The following RAD51B variants were observed in gnomAD, a reference collection of about 807,000 sequenced individuals.
RAD51B encodes DNA repair protein RAD51 homolog 2.
RAD51B carries 38 observed loss-of-function variants against 42.2 expected under a neutral mutation model. The ratio of observed to expected loss-of-function variants is 0.90; its 90% CI spans 0.70 to 1.18. The LOEUF (loss-of-function observed/expected upper bound fraction) is 1.18, where lower values mean the gene tolerates loss of function less well. Among genes scored for constraint, RAD51B ranks in the 50% most tolerant of loss-of-function variants. The pLI is 0.00. For missense variants in RAD51B, 373 were observed against 400.7 expected (o/e 0.93, Z 0.59); for synonymous variants, 154 against 145.2 (o/e 1.06, Z -0.43).
At chr14:68,594,720 C>T in exon 11 of RAD51B, 1 of 1,261,628 alleles carries the variant, frequency 7.9e-7, no homozygotes, top group Non-Finnish European at 1.0e-6. Context: ...TGAGACTTTG[C>T]CATTCCAATG....
At chr14:68,156,352 C>A (rs1199010129) in intron 7 of RAD51B, among the ~76,000 whole-genome samples, 1 of 151,938 alleles carries the variant, frequency 6.6e-6, no homozygotes, top group Non-Finnish European at 1.5e-5. Context: ...ATTGTTATTC[C>A]TAGTTTTTTA....
chr14:67,978,410 C>A (rs946080689), intron 7 of RAD51B, among the ~76,000 whole-genome samples: 1 of 146,094 alleles, frequency 6.8e-6, no homozygotes, highest in Non-Finnish European at 1.6e-5. Context: ...CCAGCCTCTG[C>A]GTTTTTTCCT....
intron 7 of RAD51B, among the ~76,000 whole-genome samples, chr14:68,152,894 C>T (rs2078420290): frequency 6.6e-6 from 1 of 152,118 alleles, no homozygotes; most frequent in Non-Finnish European, 1.5e-5. Flanking sequence ...AGGATAATGG[C>T]CTCCAGCTCC....
intron 7 of RAD51B, among the ~76,000 whole-genome samples, chr14:67,906,342 G>A (rs1421212929): frequency 2.0e-5 from 3 of 152,142 alleles, no homozygotes; most frequent in East Asian, 3.9e-4. Context: ...AGGGATATTG[G>A]CCTGAAGCTT....
chr14:68,282,277 C>T (rs2081334253), intron 7 of RAD51B, among the ~76,000 whole-genome samples: 1 of 152,158 alleles, frequency 6.6e-6, no homozygotes, highest in South Asian at 2.1e-4. Context: ...GCCACCATGC[C>T]CAGCCTCAGG....
chr14:68,340,243 C>T (rs1160425402), intron 8 of RAD51B, among the ~76,000 whole-genome samples: 4 of 152,208 alleles, frequency 2.6e-5, no homozygotes, highest in Non-Finnish European at 5.9e-5. Context: ...ACTTCTTTGA[C>T]ATATTTGAGA....
downstream of RAD51B, among the ~76,000 whole-genome samples, chr14:68,597,097 C>G (rs1891026925): frequency 6.6e-6 from 1 of 152,214 alleles, no homozygotes; most frequent in Non-Finnish European, 1.5e-5. Context: ...AGAAATTAGC[C>G]AGCTACTGTC....
chr14:68,061,123 C>A (rs900799304), intron 7 of RAD51B, among the ~76,000 whole-genome samples: 4 of 139,484 alleles, frequency 2.9e-5, no homozygotes, highest in Non-Finnish European at 4.5e-5. Context: ...GGCTGGAGTG[C>A]AGTCTCTCAA....
chr14:68,318,422 G>A lies in RAD51B; in HGVS notation c.853+26442G>A, dbSNP rs34018188. On this transcript the variant is annotated intron_variant, in intron 8 of 10. Transcript: ENST00000471583. ...AAAAAAAAGAAGAGTGGTACCATTT[G>A]CTTAAAATCCCTAGGGCCTTATAGG... Among the ~76,000 whole-genome samples, 412 of 152,168 alleles carry A rather than the reference G, an allele frequency of 2.7e-3. 10 individuals are homozygous for A. In the East Asian group the frequency reaches 0.045, roughly 17 times the overall value.
In RAD51B at chr14:68,148,720, G is replaced by A. The variant is rs984634108; in HGVS notation, c.757-143164G>A. ...GTCCCAGTCAGCCATGTGGTCAAAG[G>A]GTAAACAATCAGTACTGTGCAGTGT... is the stretch of plus-strand genomic sequence containing the variant. On this transcript the variant is annotated intron_variant, in intron 7 of 10. Coordinates refer to ENST00000471583, the MANE Select transcript of RAD51B (RefSeq NM_133510.4). 7.2e-5 allele frequency among the ~76,000 whole-genome samples: 11 copies of A among 152,180 alleles called. No individual in the cohort carries two copies. In the South Asian group the frequency reaches 8.3e-4, roughly 11 times the overall value.
At chr14:68,616,170 T>C (rs997064083), downstream of RAD51B, among the ~76,000 whole-genome samples, 4 of 152,340 alleles carry the variant, frequency 2.6e-5, no homozygotes, top group South Asian at 8.3e-4. Flanking sequence ...TTTAAAGAAA[T>C]TTTTAATGAA....
At chr14:68,078,953 G>A (rs2076875015) in intron 7 of RAD51B, among the ~76,000 whole-genome samples, 2 of 152,134 alleles carry the variant, frequency 1.3e-5, no homozygotes, top group South Asian at 4.1e-4. Flanking sequence ...TGGCACCACT[G>A]CACTCCCGCC....
chr14:68,050,456 G>A (rs762252133), intron 7 of RAD51B, among the ~76,000 whole-genome samples: 8 of 151,766 alleles, frequency 5.3e-5, no homozygotes, highest in Non-Finnish European at 8.8e-5. Flanking sequence ...TTTCTTCATA[G>A]CATTGCATAA....
chr14:68,638,051 G>T (rs1157997064), intron 10 of RAD51B, among the ~76,000 whole-genome samples: 1 of 152,254 alleles, frequency 6.6e-6, no homozygotes, highest in African/African-American at 2.4e-5. Flanking sequence ...GTTTGCAGAG[G>T]TAAGAGGCCT....
chr14:67,986,402 G>GAT (rs1397509756), intron 7 of RAD51B, among the ~76,000 whole-genome samples: 1 of 152,124 alleles, frequency 6.6e-6, no homozygotes, highest in Non-Finnish European at 1.5e-5. Context: ...AAGGAAATTG[G>GAT]ATACTCCAAA....
chr14:68,559,390 T>TC (rs1214957880), intron 10 of RAD51B, among the ~76,000 whole-genome samples: 3 of 151,764 alleles, frequency 2.0e-5, no homozygotes, highest in Admixed American at 1.3e-4. Context: ...GGGCATTTTT[T>TC]TTTTTTTTGA....
intron 7 of RAD51B, among the ~76,000 whole-genome samples, chr14:67,949,927 C>T (rs1391393065): frequency 6.6e-6 from 1 of 152,138 alleles, no homozygotes; most frequent in East Asian, 1.9e-4. Flanking sequence ...TTCTTCTGAG[C>T]AGTAGGTCTT....
chr14:68,242,156 C>G (rs1205455959), intron 7 of RAD51B, among the ~76,000 whole-genome samples: 1 of 152,244 alleles, frequency 6.6e-6, no homozygotes, highest in Non-Finnish European at 1.5e-5. Context: ...CTCCAGCCAG[C>G]CTGGACTAGT....
Position 68,397,353 on chromosome 14 carries a change from C to T in RAD51B, c.854-14071C>T, listed in dbSNP as rs147579345. ...GGCTACTGACACCAAAACCAGTTCC[C>T]CCAATTAAAATAACCCTGCTAGCCT... On this transcript the variant is annotated intron_variant, in intron 8 of 10. Transcript: ENST00000471583. Among the ~76,000 whole-genome samples the T allele has an allele frequency of 2.0e-5, 3 of 152,300 alleles. No individual in the cohort carries two copies. In the East Asian group the frequency reaches 5.8e-4, roughly 29 times the overall value.
Sources: gnomAD v4.1 joint callset for allele counts (sites outside exome capture counted in the v4.1 genomes callset) on GRCh38, gnomAD v4.1.1 for gene constraint, MANE v1.5 for transcripts, NCBI Gene and HGNC (gene_info 2026-07-23, HGNC 2026-07-21) for gene names.